Variants in JARID2 observed in about 807,000 individuals in gnomAD.
JARID2 encodes protein Jumonji.
Under a neutral mutation model 125.6 loss-of-function variants are expected in JARID2, and 21 were observed. The observed-to-expected ratio is 0.17, with a 90% CI of 0.12 to 0.24. The LOEUF is 0.24. Among genes scored for constraint, JARID2 ranks in the 10% least tolerant of loss-of-function variants. JARID2 has a pLI of 1.00. For missense variants in JARID2, 1,303 were observed against 1,639.6 expected, an observed-to-expected ratio of 0.79 and a Z score of 3.55; for synonymous variants, 736 against 661.6, an observed-to-expected ratio of 1.11 and a Z score of -1.73.
intron 2 of JARID2, among the ~76,000 whole-genome samples, chr6:15,384,661 T>C (rs1764714553): frequency 6.6e-6 from 1 of 152,118 alleles, no homozygotes; most frequent in African/African-American, 2.4e-5. Context: ...GGCTATCACA[T>C]CTCACTGCAG....
At chr6:15,288,413 T>C (rs914185424) in intron 1 of JARID2, among the ~76,000 whole-genome samples, 1 of 152,172 alleles carries the variant, frequency 6.6e-6, no homozygotes, top group African/African-American at 2.4e-5. Context: ...GATCCACCCC[T>C]ATGACCCAGA....
At chr6:15,512,443 C>A in intron 14 of JARID2, 53 bp downstream of exon 14, 1 of 1,528,926 alleles carries the variant, frequency 6.5e-7, no homozygotes, top group Non-Finnish European at 9.0e-7. Context: ...CTGTGAGTGC[C>A]GTGCGTGAGC....
intron 1 of JARID2, among the ~76,000 whole-genome samples, chr6:15,264,250 TAAG>T (rs1022796344): frequency 4.6e-5 from 7 of 152,174 alleles, no homozygotes; most frequent in African/African-American, 1.7e-4. Flanking sequence ...TTCCTGATGA[TAAG>T]AAGCCTGTAA....
intron 1 of JARID2, among the ~76,000 whole-genome samples, chr6:15,273,725 A>G (rs1206016067): frequency 6.6e-6 from 1 of 152,130 alleles, no homozygotes; most frequent in Non-Finnish European, 1.5e-5. Context: ...ACAAGCAAAC[A>G]AAACAGCTGT....
At chr6:15,371,124 A>G (rs1764152416) in intron 1 of JARID2, among the ~76,000 whole-genome samples, 1 of 152,210 alleles carries the variant, frequency 6.6e-6, no homozygotes, top group African/African-American at 2.4e-5. Context: ...CATAGGTGTA[A>G]TGAAGCTGCT....
rs773541658 is a variant in JARID2 at position 15,517,259 on chromosome 6, C to T, written c.3549C>T (p.Arg1183=). 6.2e-7 allele frequency: 1 copy of T among 1,612,354 alleles called. No homozygotes were observed. Among genetic ancestry groups the T allele is most frequent in the Non-Finnish European group, 8.5e-7 (1 of 1,178,380 alleles). ...GCCGAGGGCTGAAGTTGATGTACCG[C>T]TACGATGAGGTCAGTCCCTGCCCGC... ...KSCRGLKLMY[R]YDEEQIISLV... Residue 1183 remains arginine, a synonymous_variant, in exon 17 of 18, where the codon CGC becomes CGT. Transcript: ENST00000341776.
intron 3 of JARID2, among the ~76,000 whole-genome samples, chr6:15,428,012 G>A (rs1037377652): frequency 2.6e-5 from 4 of 152,056 alleles, no homozygotes; most frequent in South Asian, 2.1e-4. Context: ...TACTGTCGCC[G>A]TATACTTCCT....
chr6:15,408,474 G>A (rs943311491), intron 2 of JARID2, among the ~76,000 whole-genome samples: 3 of 152,114 alleles, frequency 2.0e-5, no homozygotes, highest in African/African-American at 7.2e-5. Context: ...TCCTAATTGG[G>A]TGGGAAGAGG....
At chr6:15,281,865 A>G (rs1760762753) in intron 1 of JARID2, among the ~76,000 whole-genome samples, 1 of 151,904 alleles carries the variant, frequency 6.6e-6, no homozygotes, top group African/African-American at 2.4e-5. Flanking sequence ...ACACCTTTCA[A>G]ACATATGGTA....
chr6:15,434,084 G>A (rs2127605094), intron 3 of JARID2, among the ~76,000 whole-genome samples: 1 of 151,984 alleles, frequency 6.6e-6, no homozygotes, highest in East Asian at 1.9e-4. Context: ...GAATCTGCCC[G>A]TAAAACACAG....
intron 4 of JARID2, among the ~76,000 whole-genome samples, chr6:15,466,738 T>G (rs1768758479): frequency 6.6e-6 from 1 of 152,236 alleles, no homozygotes; most frequent in Non-Finnish European, 1.5e-5. Flanking sequence ...GTCAGTCTTG[T>G]ACCAATTGTA....
At chr6:15,366,509 C>CG (rs1217236890) in intron 1 of JARID2, among the ~76,000 whole-genome samples, 1,234 of 4,818 alleles carry the variant, frequency 0.26, 43 homozygotes, top group Middle Eastern at 0.75. Context: ...GGGTGGGGGG[C>CG]GGGGGGGGCG....
rs1008661657 is a variant in JARID2, at chr6:15,355,016, C to T, written c.46-19101C>T. Among the ~76,000 whole-genome samples, 9 of 152,186 alleles carry T rather than the reference C, an allele frequency of 5.9e-5. No individual in the cohort carries two copies. In the South Asian group the frequency reaches 1.9e-3, roughly 32 times the overall value. ...TTCAAGAAAGAAATAATTGAAAGTC[C>T]AGAAGAATGTTCATTGAGAGCACTA... On this transcript the variant is annotated intron_variant, in intron 1 of 17. Coordinates refer to ENST00000341776, the MANE Select transcript of JARID2 (RefSeq NM_004973.4).
intron 1 of JARID2, among the ~76,000 whole-genome samples, chr6:15,342,246 A>C (rs1277604983): frequency 2.0e-5 from 3 of 152,182 alleles, no homozygotes; most frequent in African/African-American, 7.2e-5. Flanking sequence ...GAATCGCCAC[A>C]ATCTCTCCAC....
In JARID2 at chr6:15,501,114, G is replaced by A. The variant is rs201880755; in HGVS notation, c.2153G>A (p.Arg718Gln). The A allele has an allele frequency of 1.3e-5, 21 of 1,614,104 alleles. No homozygotes were observed. Among genetic ancestry groups the A allele is most frequent in the Admixed American group, 3.3e-5 (2 of 60,034 alleles). The change falls in exon 8 of 18, where the codon CGG becomes CAG. Residue 718 changes from arginine to glutamine, a missense_variant. Arg to Gln is a conservative substitution (Grantham distance 43). This residue lies in a region of JARID2 where 124 missense variants were observed against 131.0 expected (regional missense o/e 0.95). Transcript: ENST00000341776. ...TCCCTGTCCCCAGAGGAGCACCGGC[G>A]GCTGGAGAAGGAGGTGCTGATGGAG... ...YDSLSPEEHR[R>Q]LEKEVLMEKE...
chr6:15,450,316 C>T (rs1027510465), intron 3 of JARID2, among the ~76,000 whole-genome samples: 1 of 152,044 alleles, frequency 6.6e-6, no homozygotes, highest in African/African-American at 2.4e-5. Context: ...ATTACAGGCA[C>T]GTGTCACCAC....
At chr6:15,364,321 C>T (rs1274297789) in intron 1 of JARID2, among the ~76,000 whole-genome samples, 5 of 152,310 alleles carry the variant, frequency 3.3e-5, no homozygotes, top group Admixed American at 2.0e-4. Context: ...TTTGGCCACC[C>T]TGTGGGTACT....
chr6:15,340,874 C>T (rs770754861), intron 1 of JARID2, among the ~76,000 whole-genome samples: 6 of 152,100 alleles, frequency 3.9e-5, no homozygotes, highest in East Asian at 3.8e-4. Context: ...TATGGGATTA[C>T]GATGTTTGCC....
At chr6:15,274,997 A>G (rs1332054462) in intron 1 of JARID2, among the ~76,000 whole-genome samples, 1 of 152,218 alleles carries the variant, frequency 6.6e-6, no homozygotes, top group Non-Finnish European at 1.5e-5. Flanking sequence ...TGAGGAGGTC[A>G]CTGAACTTCA....
Sources: allele counts gnomAD v4.1 joint callset (sites outside exome capture counted in the v4.1 genomes callset), GRCh38; gene constraint gnomAD v4.1.1; regional missense constraint gnomAD v4.1.1; transcripts MANE v1.5; gene names NCBI Gene and HGNC (gene_info 2026-07-23, HGNC 2026-07-21).